The following CLVS1 variants were observed in gnomAD, a reference collection of about 807,000 sequenced individuals.
The protein encoded by CLVS1 is clavesin 1.
Under a neutral mutation model 33.1 loss-of-function variants are expected in CLVS1, and 10 were observed. The ratio of observed to expected loss-of-function variants is 0.30; its 90% CI spans 0.19 to 0.51. CLVS1 has a LOEUF of 0.51. Among genes scored for constraint, CLVS1 ranks in the 20% least tolerant of loss-of-function variants. The probability of loss-of-function intolerance (pLI) is 0.97; values close to 1 mark genes in which losing one functional copy is unlikely to be tolerated. For missense variants in CLVS1, 343 were observed against 433.4 expected, an observed-to-expected ratio of 0.79 and a Z score of 1.85; for synonymous variants, 163 against 166.1, an observed-to-expected ratio of 0.98 and a Z score of 0.14.
At position 61,501,079 on chromosome 8, in the gene CLVS1, T is replaced by TATCA. The variant is rs1804819978; in HGVS notation, c.*1538_*1541dup. The TATCA allele has an allele frequency of 2.0e-5, 3 of 152,090 alleles. No individual in the cohort carries two copies. The South Asian group carries it at 6.2e-4, about 32-fold the overall frequency. The allele number at this position is 152,090 out of a possible 1,614,324, so 9.4% of individuals were successfully genotyped here. Reference sequence around the variant, plus strand: ...ATTAAAAATATTTCTCAAACAACTGTATCACAATATAAATTAAACTAATTC... The same window carrying TATCA: ...ATTAAAAATATTTCTCAAACAACTGTATCAATCACAATATAAATTAAACTAATTC... On this transcript the variant is annotated 3_prime_UTR_variant, in exon 6 of 6. Coordinates refer to ENST00000325897, the MANE Select transcript of CLVS1 (RefSeq NM_173519.3).
At chr8:61,454,299 C>T in intron 4 of CLVS1, 48 bp downstream of exon 4, 1 of 1,302,042 alleles carries the variant, frequency 7.7e-7, no homozygotes, top group Non-Finnish European at 1.1e-6. Flanking sequence ...AATTTTGGTG[C>T]TTCTATTTTC....
At chr8:61,436,191 T>C (rs892963477) in intron 3 of CLVS1, among the ~76,000 whole-genome samples, 13 of 152,140 alleles carry the variant, frequency 8.5e-5, no homozygotes, top group Non-Finnish European at 4.4e-5. Flanking sequence ...GCATAATCAA[T>C]TATTTCCTCT....
At chr8:61,181,935 T>C (rs994756284) in intron 2 of CLVS1, among the ~76,000 whole-genome samples, 1 of 152,052 alleles carries the variant, frequency 6.6e-6, no homozygotes, top group African/African-American at 2.4e-5. Context: ...TCTCCTGACC[T>C]CGTGATCCAC....
At position 61,501,109 on chromosome 8, in the gene CLVS1, T is replaced by C. The variant is rs1804830444; in HGVS notation, c.*1567T>C. 1 of 152,212 alleles carries C rather than the reference T, an allele frequency of 6.6e-6. No homozygotes were observed. Among genetic ancestry groups the C allele is most frequent in the Non-Finnish European group, 1.5e-5 (1 of 68,026 alleles). The allele number at this position is 152,212 out of a possible 1,614,324, so 9.4% of individuals were successfully genotyped here. A position where few individuals can be genotyped will look rare whatever the true frequency, so the allele number is the denominator to read the frequency against. Reference sequence around the variant, plus strand: ...CAATATAAATTAAACTAATTCATTTTTGTGTAGACATACGAAATCACAAAA... The same window carrying C: ...CAATATAAATTAAACTAATTCATTTCTGTGTAGACATACGAAATCACAAAA... On this transcript the variant is annotated 3_prime_UTR_variant, in exon 6 of 6. Transcript: ENST00000325897.
Position 61,317,540 on chromosome 8 carries a change from A to T in CLVS1, c.455+17258A>T, listed in dbSNP as rs147050333. ...AATGTTCAGGGCTCTTGGTCCATGC[A>T]GTTTTCCAGAAATGTTGTTCCATCT... On this transcript the variant is annotated intron_variant, in intron 2 of 5. Transcript: ENST00000325897. Among the ~76,000 whole-genome samples, 29 of 152,290 alleles carry T rather than the reference A, an allele frequency of 1.9e-4. No homozygotes were observed. The East Asian group carries it at 3.7e-3, about 19-fold the overall frequency.
At chr8:61,348,987 C>T (rs149703787) in intron 2 of CLVS1, among the ~76,000 whole-genome samples, 2 of 151,988 alleles carry the variant, frequency 1.3e-5, no homozygotes, top group African/African-American at 4.8e-5. Context: ...TGTTGAGCAC[C>T]TTTTCATGTA....
At chr8:60,997,072 T>A in the CLVS1 span, among the ~76,000 whole-genome samples, 14 of 152,060 alleles carry the variant, frequency 9.2e-5, no homozygotes, top group South Asian at 6.2e-4. Flanking sequence ...ATAAAAAAAA[T>A]TTAAATTTGG....
At chr8:60,989,354 A>G in the CLVS1 span, among the ~76,000 whole-genome samples, 12 of 152,006 alleles carry the variant, frequency 7.9e-5, no homozygotes, top group African/African-American at 2.9e-4. Context: ...CTAATTTTTT[A>G]TATTTAGTAG....
intron 2 of CLVS1, among the ~76,000 whole-genome samples, chr8:61,272,252 A>G (rs929961822): frequency 1.6e-3 from 250 of 152,152 alleles, no homozygotes; most frequent in Non-Finnish European, 2.9e-3. Flanking sequence ...TTCACTTATG[A>G]AGCTTAGTTT....
intron 1 of CLVS1, among the ~76,000 whole-genome samples, chr8:61,106,613 C>T (rs1174248829): frequency 1.3e-5 from 2 of 152,204 alleles, no homozygotes; most frequent in Non-Finnish European, 2.9e-5. Context: ...GTGGAGGGTG[C>T]TGTGCCTTTG....
chr8:61,099,941 A>ATCGGATATATAGT (rs1805419366), intron 1 of CLVS1, among the ~76,000 whole-genome samples: 1 of 152,216 alleles, frequency 6.6e-6, no homozygotes, highest in Non-Finnish European at 1.5e-5. Flanking sequence ...AACACAGACA[A>ATCGGATATATAGT]TAAGCACAAT....
intron 2 of CLVS1, among the ~76,000 whole-genome samples, chr8:61,186,648 A>G (rs1191979234): frequency 1.3e-5 from 2 of 152,176 alleles, no homozygotes; most frequent in Non-Finnish European, 2.9e-5. Flanking sequence ...AAGGAAAGAA[A>G]GAGAAGACAA....
At chr8:61,391,442 C>G (rs1430382959) in intron 3 of CLVS1, among the ~76,000 whole-genome samples, 1 of 152,176 alleles carries the variant, frequency 6.6e-6, no homozygotes, top group African/African-American at 2.4e-5. Flanking sequence ...AAGCCAGACA[C>G]AGGGGTAGTT....
chr8:61,296,127 T>C (rs902933864), intron 1 of CLVS1, among the ~76,000 whole-genome samples: 44 of 152,168 alleles, frequency 2.9e-4, no homozygotes, highest in African/African-American at 8.9e-4. Context: ...ATATTATCAA[T>C]TGAAGTTGTT....
intron 2 of CLVS1, among the ~76,000 whole-genome samples, chr8:61,143,094 A>G (rs1322473288): frequency 6.6e-6 from 1 of 152,236 alleles, no homozygotes; most frequent in Non-Finnish European, 1.5e-5. Flanking sequence ...TTCGAATTAG[A>G]TTCAAATTAG....
At chr8:60,973,896 T>C in the CLVS1 span, among the ~76,000 whole-genome samples, 1 of 152,162 alleles carries the variant, frequency 6.6e-6, no homozygotes, top group Non-Finnish European at 1.5e-5. Flanking sequence ...GTGGCGGCCC[T>C]CTCCTGTCCT....
At chr8:61,392,206 T>G (rs1034316425) in intron 3 of CLVS1, among the ~76,000 whole-genome samples, 3 of 152,054 alleles carry the variant, frequency 2.0e-5, no homozygotes, top group Non-Finnish European at 4.4e-5. Flanking sequence ...GTGGTGCAGG[T>G]CTATAGTCCC....
chr8:61,008,403 A>G, the CLVS1 span, among the ~76,000 whole-genome samples: 2 of 151,672 alleles, frequency 1.3e-5, no homozygotes, highest in South Asian at 2.1e-4. Flanking sequence ...TCTAAATTAG[A>G]GAAGAGAGGA....
the CLVS1 span, among the ~76,000 whole-genome samples, chr8:61,004,677 G>A: frequency 1.3e-5 from 2 of 152,318 alleles, no homozygotes; most frequent in South Asian, 4.1e-4. Context: ...CTGGCGACAG[G>A]GTGGGGCCTG....
Sources: gnomAD v4.1 joint callset for allele counts (sites outside exome capture counted in the v4.1 genomes callset) on GRCh38, gnomAD v4.1.1 for gene constraint, MANE v1.5 for transcripts, NCBI Gene and HGNC (gene_info 2026-07-23, HGNC 2026-07-21) for gene names.